The following VAPB variants were observed in gnomAD, a reference collection of about 807,000 sequenced individuals.
VAPB encodes the protein VAMP associated protein B and C.
In VAPB, 7 loss-of-function variants were observed where a neutral mutation model predicts 25.6. The observed-to-expected ratio is 0.27, with a 90% confidence interval of 0.16 to 0.51. The LOEUF (loss-of-function observed/expected upper bound fraction) is 0.51, where lower values mean the gene tolerates loss of function less well. Ranked by LOEUF, VAPB falls within the 20% of genes least tolerant of loss-of-function variation. VAPB has a pLI of 0.97. For missense variants in VAPB, 266 were observed against 301.3 expected (o/e 0.88, Z 0.87); for synonymous variants, 112 against 109.2 (o/e 1.03, Z -0.16).
At chr20:58,393,914 T>G (rs950932797) in intron 1 of VAPB, among the ~76,000 whole-genome samples, 1 of 152,174 alleles carries the variant, frequency 6.6e-6, no homozygotes, top group East Asian at 1.9e-4. Context: ...GTACTTTCAA[T>G]AGAGACAGGG....
intron 1 of VAPB, among the ~76,000 whole-genome samples, chr20:58,410,939 C>T (rs1462654877): frequency 6.6e-6 from 1 of 152,210 alleles, no homozygotes; most frequent in Admixed American, 6.5e-5. Context: ...TTTATCCACT[C>T]ACAAAATGCT....
At position 58,445,991 on chromosome 20, in the gene VAPB, G is replaced by T. The variant is rs1440129538; in HGVS notation, c.*1756G>T. 2.2e-6 allele frequency: 1 copy of T among 454,096 alleles called. No homozygotes were observed. The highest frequency in any genetic ancestry group is 4.4e-6 in the Non-Finnish European group (1 of 226,786). 28.1% of individuals were successfully genotyped at this position (454,096 alleles called of 1,614,324 possible). A position where few individuals can be genotyped will look rare whatever the true frequency, so the allele number is the denominator to read the frequency against. ...CCACGTTGCTCCTAAGCCTGGCTCT[G>T]TCAAGCTGGGTCAGGGGCCTTGAAA... On this transcript the variant is annotated 3_prime_UTR_variant, in exon 6 of 6. Coordinates refer to ENST00000475243, the MANE Select transcript of VAPB (RefSeq NM_004738.5).
Position 58,389,302 on chromosome 20 carries a change from A to ATC in VAPB, c.-158_-157insTC. ...CCCTGCGCCTGCACCGCGTAGACCGACCCCCCCCCAGCGCGCCCACCCGGT... is the reference window on the plus strand; with the variant it reads ...CCCTGCGCCTGCACCGCGTAGACCGATCCCCCCCCCCAGCGCGCCCACCCGGT... On this transcript the variant is annotated 5_prime_UTR_variant, in exon 1 of 6. Coordinates refer to ENST00000475243, the MANE Select transcript of VAPB (RefSeq NM_004738.5). 2.5e-6 allele frequency: 1 copy of ATC among 399,634 alleles called. No individual in the cohort carries two copies. The highest frequency in any genetic ancestry group is 4.9e-6 in the Non-Finnish European group (1 of 202,554). 24.8% of individuals were successfully genotyped at this position (399,634 alleles called of 1,614,324 possible). A position where few individuals can be genotyped will look rare whatever the true frequency, so the allele number is the denominator to read the frequency against.
intron 1 of VAPB, among the ~76,000 whole-genome samples, chr20:58,400,017 C>T (rs1361928313): frequency 6.6e-6 from 1 of 152,130 alleles, no homozygotes; most frequent in East Asian, 1.9e-4. Flanking sequence ...GGTACGTACT[C>T]GAGAAATCAG....
chr20:58,418,409 C>T, intron 2 of VAPB, 46 bp downstream of exon 2: 1 of 1,603,340 alleles, frequency 6.2e-7, no homozygotes, highest in African/African-American at 1.3e-5. Context: ...CAGAAGGCCC[C>T]TGGACAGTAG....
At chr20:58,400,606 A>G (rs1451297977) in intron 1 of VAPB, among the ~76,000 whole-genome samples, 2 of 152,136 alleles carry the variant, frequency 1.3e-5, no homozygotes, top group African/African-American at 2.4e-5. Context: ...GTAAGCTCCT[A>G]TAGGTTTTTG....
chr20:58,416,558 A>G (rs1412455429), intron 1 of VAPB, among the ~76,000 whole-genome samples: 1 of 147,404 alleles, frequency 6.8e-6, no homozygotes, highest in Non-Finnish European at 1.5e-5. Flanking sequence ...AAAATCACAC[A>G]GAAACAAATA....
chr20:58,450,149 GTCTT>G lies in VAPB; in HGVS notation c.*5920_*5923del, dbSNP rs1568726975. On this transcript the variant is annotated 3_prime_UTR_variant, in exon 6 of 6. Coordinates refer to ENST00000475243, the MANE Select transcript of VAPB (RefSeq NM_004738.5). The stretch of plus-strand genomic sequence containing the variant: ...CTCCGAACTGGCTGCCTGCATTCCC[GTCTT>G]TCTTTTGTTTTTAAGAAATAGACTG... 4.4e-6 allele frequency: 2 copies of G among 453,888 alleles called. No individual in the cohort carries two copies. The allele number at this position is 453,888 out of a possible 1,614,324, so 28.1% of individuals were successfully genotyped here.
intron 1 of VAPB, among the ~76,000 whole-genome samples, chr20:58,406,468 CT>C (rs1469240752): frequency 6.6e-6 from 1 of 152,288 alleles, no homozygotes; most frequent in East Asian, 1.9e-4. Context: ...CACTTAGGTT[CT>C]TTATTGAAAA....
At chr20:58,412,468 T>C (rs780126078) in intron 1 of VAPB, among the ~76,000 whole-genome samples, 7 of 149,824 alleles carry the variant, frequency 4.7e-5, no homozygotes, top group Non-Finnish European at 1.0e-4. Context: ...TCCTAGCTAC[T>C]TGGGAGGTTG....
intron 1 of VAPB, among the ~76,000 whole-genome samples, chr20:58,413,464 G>C (rs1397682045): frequency 6.6e-6 from 1 of 152,068 alleles, no homozygotes; most frequent in Admixed American, 6.5e-5. Flanking sequence ...CAGGGTTGGG[G>C]GTAAGGTCAC....
chr20:58,410,775 T>C (rs1988358320), intron 1 of VAPB, among the ~76,000 whole-genome samples: 1 of 152,230 alleles, frequency 6.6e-6, no homozygotes, highest in South Asian at 2.1e-4. Flanking sequence ...CAGAATGTCA[T>C]AGAGTAAAAT....
chr20:58,450,215 T>C lies in VAPB; in HGVS notation c.*5980T>C, dbSNP rs1237052287. 2.2e-6 allele frequency: 1 copy of C among 452,822 alleles called. No individual in the cohort carries two copies. Among genetic ancestry groups the C allele is most frequent in the East Asian group, 6.9e-5 (1 of 14,400 alleles). The allele number at this position is 452,822 out of a possible 1,614,324, so 28.1% of individuals were successfully genotyped here. A position where few individuals can be genotyped will look rare whatever the true frequency, so the allele number is the denominator to read the frequency against. On this transcript the variant is annotated 3_prime_UTR_variant, in exon 6 of 6. Transcript: ENST00000475243. The stretch of plus-strand genomic sequence containing the variant: ...TAATCCTCTAGTACAGTATCCATGT[T>C]AAAATGTTTTTCCATTGCATCTTTT...
Position 58,449,861 on chromosome 20 carries a change from C to T in VAPB, c.*5626C>T. 2.2e-6 allele frequency: 1 copy of T among 454,110 alleles called. No individual in the cohort carries two copies. Among genetic ancestry groups the T allele is most frequent in the Non-Finnish European group, 4.4e-6 (1 of 226,794 alleles). The allele number at this position is 454,110 out of a possible 1,614,324, so 28.1% of individuals were successfully genotyped here. A position where few individuals can be genotyped will look rare whatever the true frequency, so the allele number is the denominator to read the frequency against. Reference sequence around the variant, plus strand: ...CTGCAGGAGTGCGCCTGGCCTTCTGCAGGTGGAGCTGCTGTCAGAGCTTCG... The same window carrying T: ...CTGCAGGAGTGCGCCTGGCCTTCTGTAGGTGGAGCTGCTGTCAGAGCTTCG... On this transcript the variant is annotated 3_prime_UTR_variant, in exon 6 of 6. Coordinates refer to ENST00000475243, the MANE Select transcript of VAPB (RefSeq NM_004738.5).
intron 2 of VAPB, chr20:58,431,064 C>T (rs899535002): frequency 2.0e-5 from 3 of 152,150 alleles, no homozygotes; most frequent in Non-Finnish European, 2.9e-5. Flanking sequence ...GAACATTCTT[C>T]GATACTACAC....
At chr20:58,437,519 A>T (rs1017367493) in intron 3 of VAPB, among the ~76,000 whole-genome samples, 2 of 152,180 alleles carry the variant, frequency 1.3e-5, no homozygotes, top group African/African-American at 4.8e-5. Flanking sequence ...CCTGTGGTTA[A>T]TAGGTAATCT....
chr20:58,440,799 A>G, intron 4 of VAPB, 108 bp from the exon 5 acceptor site: 1 of 993,798 alleles, frequency 1.0e-6, no homozygotes, highest in Non-Finnish European at 1.5e-6. Context: ...TACAGTGTGG[A>G]TGAAATGCTA....
chr20:58,429,712 A>G (rs1315937703), intron 2 of VAPB, among the ~76,000 whole-genome samples: 1 of 152,176 alleles, frequency 6.6e-6, no homozygotes, highest in African/African-American at 2.4e-5. Context: ...AAAACTCAAG[A>G]CCTGGTTTGT....
In VAPB at chr20:58,447,647, ACT is replaced by A. The variant is rs767846551; in HGVS notation, c.*3415_*3416del. ...GCCTTTCAGATGAATTTGAAAACAGACTCTGTGTGTGTGTGCATGTGTGCATG... is the reference window on the plus strand; with the variant it reads ...GCCTTTCAGATGAATTTGAAAACAGACTGTGTGTGTGTGCATGTGTGCATG... On this transcript the variant is annotated 3_prime_UTR_variant, in exon 6 of 6. Coordinates refer to ENST00000475243, the MANE Select transcript of VAPB (RefSeq NM_004738.5). 8.7e-5 allele frequency: 33 copies of A among 379,046 alleles called. No homozygotes were observed. The highest frequency in any genetic ancestry group is 1.2e-4 in the Non-Finnish European group (23 of 196,712). The allele number at this position is 379,046 out of a possible 1,614,324, so 23.5% of individuals were successfully genotyped here. A position where few individuals can be genotyped will look rare whatever the true frequency, so the allele number is the denominator to read the frequency against.
Sources: gnomAD v4.1 joint callset for allele counts (sites outside exome capture counted in the v4.1 genomes callset) on GRCh38, gnomAD v4.1.1 for gene constraint, MANE v1.5 for transcripts, NCBI Gene and HGNC (gene_info 2026-07-23, HGNC 2026-07-21) for gene names.